Variants in HIPK2 observed in about 807,000 individuals in gnomAD.
HIPK2 encodes homeodomain interacting protein kinase 2, also known as homeodomain-interacting protein kinase 2.
A neutral mutation model predicts 113.7 loss-of-function variants in HIPK2; 27 were observed. That is an observed-to-expected ratio of 0.24 (90% CI 0.17 to 0.33). HIPK2 has a LOEUF of 0.33. Among genes scored for constraint, HIPK2 ranks in the 10% least tolerant of loss-of-function variants. The probability of loss-of-function intolerance (pLI) is 1.00; values close to 1 mark genes in which losing one functional copy is unlikely to be tolerated. For synonymous variants in HIPK2, 631 were observed against 642.2 expected (o/e 0.98, Z 0.26); for missense variants, 1,257 against 1,588.0 (o/e 0.79, Z 3.54).
intron 1 of HIPK2, among the ~76,000 whole-genome samples, chr7:139,718,262 A>G (rs1303316319): frequency 1.3e-5 from 2 of 152,216 alleles, no homozygotes; most frequent in Non-Finnish European, 2.9e-5. Flanking sequence ...ACTATCAACA[A>G]ACATTTCTCA....
At chr7:139,731,802 T>C (rs765431740) in intron 1 of HIPK2, among the ~76,000 whole-genome samples, 4 of 152,232 alleles carry the variant, frequency 2.6e-5, no homozygotes, top group Non-Finnish European at 5.9e-5. Context: ...TTGATTTAAA[T>C]AGCAACTGCT....
intron 9 of HIPK2, among the ~76,000 whole-genome samples, chr7:139,606,922 CAAAA>C (rs1799638318): frequency 6.6e-6 from 1 of 151,912 alleles, no homozygotes; most frequent in Admixed American, 6.6e-5. Context: ...AATAAGCAAA[CAAAA>C]GAAAGAGGAA....
At position 139,777,696 on chromosome 7, in the gene HIPK2, C is replaced by T. The variant is rs1333781929; in HGVS notation, c.-73G>A. 5 of 1,070,358 alleles carry T rather than the reference C, an allele frequency of 4.7e-6. No individual in the cohort carries two copies. The South Asian group carries it at 1.3e-4, about 28-fold the overall frequency. 66.3% of individuals were successfully genotyped at this position (1,070,358 alleles called of 1,614,324 possible). A position where few individuals can be genotyped will look rare whatever the true frequency, so the allele number is the denominator to read the frequency against. On this transcript the variant is annotated 5_prime_UTR_variant, in exon 1 of 15. It removes the in-frame stop codon of an upstream open reading frame in the 5' UTR. Transcript: ENST00000406875. ...CGCGCGAGCTCGGCCCCCCCAGCCT[C>T]AGTCGGAATCTGCCATCTTGAGCCT...
chr7:139,646,081 C>G (rs1801208808), intron 2 of HIPK2, among the ~76,000 whole-genome samples: 1 of 152,168 alleles, frequency 6.6e-6, no homozygotes, highest in African/African-American at 2.4e-5. Context: ...AAATACTAAG[C>G]TGGCTCTTTA....
Position 139,583,945 on chromosome 7 carries a change from T to C in HIPK2, c.2837A>G (p.Asn946Ser), listed in dbSNP as rs1569444984. Residue 946 changes from asparagine to serine, a missense_variant, in exon 13 of 15, where the codon AAT becomes AGT. By Grantham distance (46) the Asn-to-Ser change is conservative. Transcript: ENST00000406875. ...YSVQQRAGHN[N>S]ANAFDTKGSL... Reference sequence around the variant, plus strand: ...CCCCTTGGTGTCAAAGGCATTGGCATTGTTGTGCCCAGCACGCTGCTGCAC... The same window carrying C: ...CCCCTTGGTGTCAAAGGCATTGGCACTGTTGTGCCCAGCACGCTGCTGCAC... 1.9e-6 allele frequency: 3 copies of C among 1,613,978 alleles called. No homozygotes were observed. The highest frequency in any genetic ancestry group is 2.5e-6 in the Non-Finnish European group (3 of 1,179,884).
intron 12 of HIPK2, among the ~76,000 whole-genome samples, chr7:139,593,299 G>A (rs913325297): frequency 6.6e-6 from 1 of 152,160 alleles, no homozygotes; most frequent in African/African-American, 2.4e-5. Context: ...AGCCTTGCAT[G>A]CCCCATCAAA....
At position 139,631,467 on chromosome 7, in the gene HIPK2, G is replaced by T; in HGVS notation, c.1227+135C>A. On this transcript the variant is annotated intron_variant, in intron 3 of 14. Coordinates refer to ENST00000406875, the MANE Select transcript of HIPK2 (RefSeq NM_022740.5). This position sits in a 1 kb window ranked among gnomAD's most constrained non-coding sequence, Gnocchi z 4.9. ...AATAAAGAAAAAATAGCAAGGTTAA[G>T]GGAAGCAAGGTTTGGGAGACAACGT... 1 of 1,444,012 alleles carries T rather than the reference G, an allele frequency of 6.9e-7. No individual in the cohort carries two copies. The highest frequency in any genetic ancestry group is 2.4e-5 in the East Asian group (1 of 41,354). The allele number at this position is 1,444,012 out of a possible 1,614,324, so 89.4% of individuals were successfully genotyped here.
At chr7:139,650,092 G>A (rs1387094535) in intron 2 of HIPK2, among the ~76,000 whole-genome samples, 1 of 152,166 alleles carries the variant, frequency 6.6e-6, no homozygotes, top group East Asian at 1.9e-4. Context: ...GCTCACGCCT[G>A]TAATCCTAGC....
At chr7:139,773,719 G>A (rs923263870) in intron 1 of HIPK2, among the ~76,000 whole-genome samples, 1 of 152,224 alleles carries the variant, frequency 6.6e-6, no homozygotes, top group African/African-American at 2.4e-5. Context: ...GGAAAATGAT[G>A]TTTAATGCAT....
In HIPK2 at chr7:139,714,443, G is replaced by A. The variant is rs1795160277; in HGVS notation, c.1103+1489C>T. On this transcript the variant is annotated intron_variant, in intron 2 of 14. Transcript: ENST00000406875. This position sits in a 1 kb window ranked among gnomAD's most constrained non-coding sequence, Gnocchi z 4.2. ...CCCAGCAGGCTGAGGGAGGGGCTGG[G>A]AGGAGACTTGCAACAGCTCTGCCTG... Among the ~76,000 whole-genome samples, 1 of 152,192 alleles carries A rather than the reference G, an allele frequency of 6.6e-6. No individual in the cohort carries two copies. The highest frequency in any genetic ancestry group is 1.5e-5 in the Non-Finnish European group (1 of 68,026).
intron 2 of HIPK2, among the ~76,000 whole-genome samples, chr7:139,686,883 G>C (rs1794238210): frequency 6.6e-6 from 1 of 152,210 alleles, no homozygotes; most frequent in African/African-American, 2.4e-5. Flanking sequence ...ACATGCTACA[G>C]AGAACTCTTT....
Position 139,583,971 on chromosome 7 carries a change from G to A in HIPK2, c.2811C>T (p.Ser937=), listed in dbSNP as rs376177257. Residue 937 remains serine (S), a synonymous_variant, in exon 13 of 15, where the codon TCC becomes TCT. Transcript: ENST00000406875. The part of the protein sequence containing the change: ...SDSSSNTSPY[S]VQQRAGHNNA... ...TGTTGTGCCCAGCACGCTGCTGCAC[G>A]GAGTAGGGGCTGGTGTTGCTGGAGG... 1.9e-5 allele frequency: 31 copies of A among 1,613,940 alleles called. No individual in the cohort carries two copies. In the East Asian group the frequency reaches 3.8e-4, roughly 20 times the overall value.
intron 2 of HIPK2, among the ~76,000 whole-genome samples, chr7:139,649,211 C>T (rs1801363090): frequency 6.6e-6 from 1 of 152,044 alleles, no homozygotes. Flanking sequence ...ATTTCATTTC[C>T]ACCTCCCCAC....
chr7:139,671,800 G>A (rs181817879), intron 2 of HIPK2, among the ~76,000 whole-genome samples: 7 of 152,158 alleles, frequency 4.6e-5, no homozygotes, highest in African/African-American at 4.8e-5. Flanking sequence ...TGCCTGCCTC[G>A]GCCTCCCAAA....
chr7:139,717,972 G>C (rs1795298154), intron 1 of HIPK2, among the ~76,000 whole-genome samples: 1 of 152,060 alleles, frequency 6.6e-6, no homozygotes, highest in Non-Finnish European at 1.5e-5. Flanking sequence ...TCAAACTCCT[G>C]ACCTCAGGTG....
chr7:139,697,098 C>T (rs961740914), intron 2 of HIPK2, among the ~76,000 whole-genome samples: 6 of 152,190 alleles, frequency 3.9e-5, no homozygotes, highest in Non-Finnish European at 5.9e-5. Context: ...CTCCCCCTTT[C>T]GCCTCCTCCC....
intron 12 of HIPK2, among the ~76,000 whole-genome samples, chr7:139,589,197 G>C (rs1158695649): frequency 6.6e-6 from 1 of 152,096 alleles, no homozygotes; most frequent in Non-Finnish European, 1.5e-5. Flanking sequence ...GAAATTCATT[G>C]AGAGAGATTA....
chr7:139,751,793 A>G (rs2117111401), intron 1 of HIPK2, among the ~76,000 whole-genome samples: 1 of 152,306 alleles, frequency 6.6e-6, no homozygotes, highest in East Asian at 1.9e-4. Context: ...GACACCCCAA[A>G]GATAGACCTT....
intron 2 of HIPK2, among the ~76,000 whole-genome samples, chr7:139,656,088 C>G (rs1031078330): frequency 1.3e-5 from 2 of 152,130 alleles, no homozygotes; most frequent in Non-Finnish European, 2.9e-5. Context: ...TTTCTCCCAT[C>G]ATTCTTCTCT....
Sources: allele counts gnomAD v4.1 joint callset (sites outside exome capture counted in the v4.1 genomes callset), GRCh38; gene constraint gnomAD v4.1.1; non-coding constraint Gnocchi (gnomAD v3.1); transcripts MANE v1.5; gene names NCBI Gene and HGNC (gene_info 2026-07-23, HGNC 2026-07-21).